Variants in CRHR1 observed in about 807,000 individuals in gnomAD.
CRHR1 encodes corticotropin releasing hormone receptor 1.
A neutral mutation model predicts 56.0 loss-of-function variants in CRHR1; 28 were observed. That is an observed-to-expected ratio of 0.50 (90% CI 0.37 to 0.69). The LOEUF is 0.69. Among genes scored for constraint, CRHR1 ranks in the 30% least tolerant of loss-of-function variants. The pLI is 0.00. For synonymous variants in CRHR1, 195 were observed against 216.5 expected, an observed-to-expected ratio of 0.90 and a Z score of 0.87; for missense variants, 376 against 548.0, an observed-to-expected ratio of 0.69 and a Z score of 3.13.
intron 2 of CRHR1, among the ~76,000 whole-genome samples, chr17:45,813,331 A>T (rs1016705486): frequency 8.0e-5 from 11 of 138,170 alleles, no homozygotes; most frequent in African/African-American, 2.1e-4. Flanking sequence ...CAAGCCCCTG[A>T]CCCAGCAGGA....
chr17:45,834,115 A>G, intron 12 of CRHR1, 67 bp downstream of exon 12: 1 of 1,570,522 alleles, frequency 6.4e-7, no homozygotes, highest in Non-Finnish European at 8.8e-7. Flanking sequence ...GCGATTGTCT[A>G]GAGCCTTCTC....
intron 4 of CRHR1, among the ~76,000 whole-genome samples, chr17:45,823,740 CA>C (rs2062096519): frequency 6.6e-6 from 1 of 152,198 alleles, no homozygotes; most frequent in Non-Finnish European, 1.5e-5. Flanking sequence ...CTGTAGCTCC[CA>C]CCCCGGCCTG....
rs144147520 is a variant in CRHR1 at position 45,828,929 on chromosome 17, A to T, written c.328-286A>T. Among the ~76,000 whole-genome samples, 97 of 152,296 alleles carry T rather than the reference A, an allele frequency of 6.4e-4. 1 individual carries two copies. In the East Asian group the frequency reaches 0.015, roughly 23 times the overall value. ...GTGAGCCGGCCACATGTGCTTGTGCATGCAGGGGCGGGGGGTCCATGTGGA... is the reference window on the plus strand; with the variant it reads ...GTGAGCCGGCCACATGTGCTTGTGCTTGCAGGGGCGGGGGGTCCATGTGGA... On this transcript the variant is annotated intron_variant, in intron 4 of 12. Transcript: ENST00000314537.
intron 8 of CRHR1, among the ~76,000 whole-genome samples, chr17:45,832,357 C>A (rs1418194396): frequency 1.3e-5 from 2 of 152,214 alleles, no homozygotes; most frequent in African/African-American, 4.8e-5. Context: ...GTGTGAGAAA[C>A]CAGAAACGAA....
chr17:45,807,040 T>C lies in CRHR1; in HGVS notation c.64T>C (p.Ser22Pro). The change falls in exon 2 of 13, where the codon TCT becomes CCT. Residue 22 changes from serine to proline, a missense_variant. Transcript: ENST00000314537. ...TCTCCTTCTGGGGCTGAACCCCGTC[T>C]CTGCCTCCCTCCAGGACCAGCACTG... ...ALLLLGLNPV[S>P]ASLQDQHCES... is the part of the protein sequence containing the mutation. 2 of 1,614,090 alleles carry C rather than the reference T, an allele frequency of 1.2e-6. No individual in the cohort carries two copies. The highest frequency in any genetic ancestry group is 1.7e-6 in the Non-Finnish European group (2 of 1,180,000).
At chr17:45,789,815 T>C (rs1487601762) in intron 1 of CRHR1, among the ~76,000 whole-genome samples, 6 of 152,218 alleles carry the variant, frequency 3.9e-5, no homozygotes, top group Non-Finnish European at 1.5e-5. Flanking sequence ...ATCCTTACTC[T>C]GCCCTGAAGC....
intron 8 of CRHR1, 53 bp downstream of exon 8, chr17:45,830,993 C>T (rs916415652): frequency 7.1e-6 from 11 of 1,553,640 alleles, no homozygotes; most frequent in Admixed American, 1.7e-5. Context: ...CCCAGCCCAG[C>T]TTGGTGACAC....
chr17:45,802,477 G>A (rs2061641590), intron 1 of CRHR1, among the ~76,000 whole-genome samples: 1 of 152,198 alleles, frequency 6.6e-6, no homozygotes, highest in Admixed American at 6.6e-5. Context: ...GGATGGTGAA[G>A]AGGAGATCAG....
chr17:45,829,139 C>T, intron 4 of CRHR1, 76 bp from the exon 5 acceptor site: 1 of 1,155,006 alleles, frequency 8.7e-7, no homozygotes, highest in Non-Finnish European at 1.3e-6. Context: ...CCATCCCAGC[C>T]ACCCCTAGGC....
intron 2 of CRHR1, among the ~76,000 whole-genome samples, chr17:45,812,749 C>A (rs1000815573): frequency 2.0e-5 from 3 of 152,130 alleles, no homozygotes; most frequent in Non-Finnish European, 4.4e-5. Flanking sequence ...TTAGTGTCTT[C>A]TTCTCCATCT....
intron 4 of CRHR1, among the ~76,000 whole-genome samples, chr17:45,822,677 C>A (rs1598434984): frequency 6.6e-6 from 1 of 152,234 alleles, no homozygotes; most frequent in East Asian, 1.9e-4. Context: ...ATGGTGAAAC[C>A]CCATCTCTAC....
chr17:45,826,630 G>A (rs1430904366), intron 4 of CRHR1: 2 of 152,262 alleles, frequency 1.3e-5, no homozygotes, highest in African/African-American at 4.8e-5. Flanking sequence ...AAAGTGGCGT[G>A]AGACCACCCC....
rs551132036 is a variant in CRHR1 at position 45,834,257 on chromosome 17, C to T, written c.1107+209C>T. 2.0e-5 allele frequency among the ~76,000 whole-genome samples: 3 copies of T among 152,328 alleles called. No homozygotes were observed. The East Asian group carries it at 5.8e-4, about 29-fold the overall frequency. On this transcript the variant is annotated intron_variant, in intron 12 of 12. Coordinates refer to ENST00000314537, the MANE Select transcript of CRHR1 (RefSeq NM_004382.5). ...AGCCCCCTCCTTTGCTCTCAGAGGC[C>T]GCTGGCACCAGGCTGGAAGCCAGAG...
chr17:45,798,443 T>C (rs2061559277), intron 1 of CRHR1, among the ~76,000 whole-genome samples: 3 of 151,126 alleles, frequency 2.0e-5, no homozygotes, highest in African/African-American at 4.9e-5. Context: ...TGAGAATCTC[T>C]TTAACCCAGG....
chr17:45,785,644 G>A (rs906363582), intron 1 of CRHR1, among the ~76,000 whole-genome samples: 1 of 152,198 alleles, frequency 6.6e-6, no homozygotes, highest in African/African-American at 2.4e-5. Flanking sequence ...CGGTGGATTT[G>A]GGGGAGGGGT....
chr17:45,830,012 C>A, intron 5 of CRHR1, 82 bp from the exon 6 acceptor site: 2 of 1,587,706 alleles, frequency 1.3e-6, no homozygotes, highest in Non-Finnish European at 1.7e-6. Context: ...ATCTACACAT[C>A]TGGGCTGGGG....
At chr17:45,833,693 T>TGGGGGGGGGGGGGGCCC in intron 10 of CRHR1, 21 bp from the exon 11 acceptor site, 1 of 1,571,618 alleles carries the variant, frequency 6.4e-7, no homozygotes, top group Non-Finnish European at 8.7e-7. Context: ...ACTCCGAGCC[T>TGGGGGGGGGGGGGGCCC]CCCCACCCGC....
chr17:45,808,288 C>T (rs1028719362), intron 2 of CRHR1, among the ~76,000 whole-genome samples: 5 of 152,210 alleles, frequency 3.3e-5, no homozygotes, highest in African/African-American at 4.8e-5. Context: ...TCTGTGGGAA[C>T]AGGAGGCCTC....
chr17:45,798,609 C>T (rs1400904359), intron 1 of CRHR1, among the ~76,000 whole-genome samples: 4 of 151,984 alleles, frequency 2.6e-5, no homozygotes, highest in Admixed American at 2.6e-4. Context: ...CATCTGGAAC[C>T]TTGGAGGGGC....
Sources: allele counts gnomAD v4.1 joint callset (sites outside exome capture counted in the v4.1 genomes callset), GRCh38; gene constraint gnomAD v4.1.1; transcripts MANE v1.5; gene names NCBI Gene and HGNC (gene_info 2026-07-23, HGNC 2026-07-21).